KCNC3: variants seen among roughly 807,000 people sequenced by gnomAD.
The protein encoded by KCNC3 is potassium voltage-gated channel subfamily C member 3, also known as voltage-gated potassium channel KCNC3.
A neutral mutation model predicts 43.9 loss-of-function variants in KCNC3; 22 were observed. That is an observed-to-expected ratio of 0.50 (90% confidence interval 0.36 to 0.72). The LOEUF (loss-of-function observed/expected upper bound fraction) is 0.72, where lower values mean the gene tolerates loss of function less well. Ranked by LOEUF, KCNC3 falls within the 30% of genes least tolerant of loss-of-function variation. The probability of loss-of-function intolerance (pLI) is 0.00; values close to 1 mark genes in which losing one functional copy is unlikely to be tolerated. For synonymous variants in KCNC3, 492 were observed against 488.0 expected, an observed-to-expected ratio of 1.01 and a Z score of -0.11; for missense variants, 829 against 1,073.8, an observed-to-expected ratio of 0.77 and a Z score of 3.19.
Position 50,323,573 on chromosome 19 carries a change from G to A in KCNC3, c.1380C>T (p.Leu460=). The A allele has an allele frequency of 3.7e-6, 6 of 1,614,244 alleles. 1 individual carries two copies. In the Middle Eastern group the frequency reaches 4.9e-4, roughly 133 times the overall value. ...LLIIFLALGV[L]IFATMIYYAE... ...CGTAGTAAATCATGGTGGCGAAGAT[G>A]AGCACCCCCAGGGCCAGGAAGATGA... The change falls in exon 2 of 5, where the codon CTC becomes CTT. Residue 460 remains leucine, a synonymous_variant. Transcript: ENST00000477616.
intron 1 of KCNC3, among the ~76,000 whole-genome samples, chr19:50,326,642 C>CACAACA (rs2037109858): frequency 6.6e-6 from 1 of 152,076 alleles, no homozygotes; most frequent in South Asian, 2.1e-4. Context: ...TCCCCCATTT[C>CACAACA]CAATTGCCCC....
At position 50,316,105 on chromosome 19, in the gene KCNC3, TAC is replaced by T. The variant is rs776906184; in HGVS notation, c.*24-16_*24-15del. 13 of 252,198 alleles carry T rather than the reference TAC, an allele frequency of 5.2e-5. No homozygotes were observed. Among genetic ancestry groups the T allele is most frequent in the African/African-American group, 1.0e-4 (4 of 39,140 alleles). The allele number at this position is 252,198 out of a possible 1,614,324, so 15.6% of individuals were successfully genotyped here. On this transcript the variant is annotated splice_polypyrimidine_tract_variant and intron_variant, in intron 4 of 4. Transcript: ENST00000477616. ...CGGTGACAAGAGCTGGGGACAGAAA[TAC>T]ACAGAGTCACGGGGGTGGGGAGAGG...
rs750632431 is a variant in KCNC3 at position 50,313,419 on chromosome 19, G to C, written c.*2696C>G. The C allele has an allele frequency of 2.6e-5, 4 of 152,204 alleles. No homozygotes were observed. The highest frequency in any genetic ancestry group is 6.5e-5 in the Admixed American group (1 of 15,286). The allele number at this position is 152,204 out of a possible 1,614,324, so 9.4% of individuals were successfully genotyped here. A position where few individuals can be genotyped will look rare whatever the true frequency, so the allele number is the denominator to read the frequency against. ...CGGCTTCTGTACAAAATGCGTATTA[G>C]AGACAAAACTTTTAAAACAAGTGTT... On this transcript the variant is annotated 3_prime_UTR_variant, in exon 5 of 5. Transcript: ENST00000477616.
Position 50,322,988 on chromosome 19 carries a change from C to T in KCNC3, c.1965G>A (p.Glu655=). ...PCPLAQEEVI[E]INRADPRPNG... ...GCCCAGGCTCACCTGCCCGGTTGAT[C>T]TCAATCACCTCCTCCTGAGCCAACG... The change falls in exon 2 of 5, where the codon GAG becomes GAA. Residue 655 remains glutamate (E), a synonymous_variant. Coordinates refer to ENST00000477616, the MANE Select transcript of KCNC3 (RefSeq NM_004977.3). 2 of 1,550,622 alleles carry T rather than the reference C, an allele frequency of 1.3e-6. No individual in the cohort carries two copies. The highest frequency in any genetic ancestry group is 1.7e-6 in the Non-Finnish European group (2 of 1,147,458).
chr19:50,319,649 T>C (rs193095009), intron 4 of KCNC3, among the ~76,000 whole-genome samples: 32 of 152,316 alleles, frequency 2.1e-4, no homozygotes, highest in Non-Finnish European at 4.4e-4. Context: ...TTCCTCTCAC[T>C]GTCTGTGCTC....
chr19:50,315,906 T>C lies in KCNC3; in HGVS notation c.*209A>G. On this transcript the variant is annotated 3_prime_UTR_variant, in exon 5 of 5. Coordinates refer to ENST00000477616, the MANE Select transcript of KCNC3 (RefSeq NM_004977.3). ...CACCCCCGCAGGGAGCTCTGTGGCT[T>C]TTCCAGGCAACGCTAAGGGAGCTGT... is the stretch of plus-strand genomic sequence containing the variant. 6.1e-6 allele frequency: 2 copies of C among 328,202 alleles called. No individual in the cohort carries two copies. Among genetic ancestry groups the C allele is most frequent in the Non-Finnish European group, 1.2e-5 (2 of 170,190 alleles). 20.3% of individuals were successfully genotyped at this position (328,202 alleles called of 1,614,324 possible). A position where few individuals can be genotyped will look rare whatever the true frequency, so the allele number is the denominator to read the frequency against.
intron 1 of KCNC3, among the ~76,000 whole-genome samples, chr19:50,325,636 G>T (rs2037093946): frequency 6.6e-6 from 1 of 152,172 alleles, no homozygotes; most frequent in African/African-American, 2.4e-5. Flanking sequence ...GAGGCCAGAG[G>T]CCTTCGCAGA....
chr19:50,328,777 G>A lies in KCNC3; in HGVS notation c.306C>T (p.Tyr102=), dbSNP rs1193876233. The A allele has an allele frequency of 6.3e-7, 1 of 1,578,754 alleles. No homozygotes were observed. Among genetic ancestry groups the A allele is most frequent in the Non-Finnish European group, 8.6e-7 (1 of 1,164,164 alleles). The change falls in exon 1 of 5, where the codon TAC becomes TAT. Residue 102 remains tyrosine (Y), a synonymous_variant. Coordinates refer to ENST00000477616, the MANE Select transcript of KCNC3 (RefSeq NM_004977.3). Reference sequence around the variant, plus strand: ...CCGGCAGGGTGCGCAGCGTCGAGCGGTACGTCTCATGGCGCACGCCGCCCA... The same window carrying A: ...CCGGCAGGGTGCGCAGCGTCGAGCGATACGTCTCATGGCGCACGCCGCCCA... ...INVGGVRHET[Y]RSTLRTLPGT...
At chr19:50,318,760 T>C (rs2036989244) in intron 4 of KCNC3, among the ~76,000 whole-genome samples, 1 of 152,104 alleles carries the variant, frequency 6.6e-6, no homozygotes, top group Non-Finnish European at 1.5e-5. Context: ...CCCAAATTTG[T>C]AGTGCCTGCA....
Position 50,314,912 on chromosome 19 carries a change from G to C in KCNC3, c.*1203C>G, listed in dbSNP as rs879300084. On this transcript the variant is annotated 3_prime_UTR_variant, in exon 5 of 5. Coordinates refer to ENST00000477616, the MANE Select transcript of KCNC3 (RefSeq NM_004977.3). ...GCGGGCGGCCCGGGGAGAGCCAGGG[G>C]GGGTGGCAAGGGGCGCGAGGCGCAG... The C allele has an allele frequency of 6.5e-5, 20 of 310,068 alleles. No homozygotes were observed. The highest frequency in any genetic ancestry group is 1.1e-4 in the Non-Finnish European group (17 of 159,682). The allele number at this position is 310,068 out of a possible 1,614,324, so 19.2% of individuals were successfully genotyped here.
intron 1 of KCNC3, among the ~76,000 whole-genome samples, chr19:50,325,152 T>G (rs2037086578): frequency 4.2e-5 from 6 of 142,266 alleles, no homozygotes; most frequent in African/African-American, 8.0e-5. Flanking sequence ...GAGGAGGGAG[T>G]GGGGTCAGGG....
chr19:50,320,911 G>T, intron 2 of KCNC3, 127 bp from the exon 3 acceptor site: 2 of 869,746 alleles, frequency 2.3e-6, no homozygotes, highest in East Asian at 2.7e-5. Flanking sequence ...ACTGGAAGTG[G>T]AGATTCAAGG....
upstream of KCNC3, among the ~76,000 whole-genome samples, chr19:50,330,910 T>G (rs2037180576): frequency 6.7e-6 from 1 of 149,256 alleles, no homozygotes; most frequent in Non-Finnish European, 1.5e-5. Flanking sequence ...CGGCTGCGGC[T>G]GGGGCTGCGG....
intron 2 of KCNC3, 35 bp from the exon 3 acceptor site, chr19:50,320,819 G>C (rs1601095827): frequency 6.2e-7 from 1 of 1,606,254 alleles, no homozygotes; most frequent in Non-Finnish European, 8.5e-7. Context: ...AGAGACAAAG[G>C]AGAGAGTGAG....
At position 50,314,618 on chromosome 19, in the gene KCNC3, C is replaced by CT. The variant is rs1180796093; in HGVS notation, c.*1496dup. The CT allele has an allele frequency of 6.1e-6, 2 of 330,370 alleles. No homozygotes were observed. Among genetic ancestry groups the CT allele is most frequent in the Non-Finnish European group, 1.2e-5 (2 of 172,562 alleles). 20.5% of individuals were successfully genotyped at this position (330,370 alleles called of 1,614,324 possible). A position where few individuals can be genotyped will look rare whatever the true frequency, so the allele number is the denominator to read the frequency against. ...TATGGCTCGTGGAGACCTGAGAAGG[C>CT]TTTTTTTGGGGAGGGAAGAGTTGGG... On this transcript the variant is annotated 3_prime_UTR_variant, in exon 5 of 5. Transcript: ENST00000477616.
chr19:50,331,391 C>A (rs1225718808), upstream of KCNC3, among the ~76,000 whole-genome samples: 3 of 151,762 alleles, frequency 2.0e-5, no homozygotes, highest in Non-Finnish European at 4.4e-5. Context: ...GTCCTCTACT[C>A]CCTCCCCGCA....
At position 50,329,042 on chromosome 19, in the gene KCNC3, T is replaced by C. The variant is rs2037146942; in HGVS notation, c.41A>G (p.Gln14Arg). ...SVCVSSFRGRQGASKQQPAPP... is the reference protein window; with the variant it reads ...SVCVSSFRGRRGASKQQPAPP... ...CGCCGGCTGCTGCTTGCTGGCCCCCTGGCGCCCGCGGAAGGACGAGACGCA... is the reference window on the plus strand; with the variant it reads ...CGCCGGCTGCTGCTTGCTGGCCCCCCGGCGCCCGCGGAAGGACGAGACGCA... The change falls in exon 1 of 5, where the codon CAG (glutamine) becomes CGG (arginine). Residue 14 changes from glutamine (Q) to arginine (R), a missense_variant. Gln to Arg is a conservative substitution (Grantham distance 43, BLOSUM62 1). This residue lies in a region of KCNC3 where 129 missense variants were observed against 83.6 expected (regional missense o/e 1.54). Coordinates refer to ENST00000477616, the MANE Select transcript of KCNC3 (RefSeq NM_004977.3). 2 of 1,313,992 alleles carry C rather than the reference T, an allele frequency of 1.5e-6. No individual in the cohort carries two copies. The highest frequency in any genetic ancestry group is 1.9e-6 in the Non-Finnish European group (2 of 1,034,566). The allele number at this position is 1,313,992 out of a possible 1,614,324, so 81.4% of individuals were successfully genotyped here.
upstream of KCNC3, among the ~76,000 whole-genome samples, chr19:50,332,074 G>A (rs2123555823): frequency 6.6e-6 from 1 of 152,260 alleles, no homozygotes; most frequent in South Asian, 2.1e-4. This position sits in a 1 kb window ranked among gnomAD's most constrained non-coding sequence, Gnocchi z 5.8. Flanking sequence ...AAAAGACATA[G>A]GTACTTCCTA....
intron 1 of KCNC3, among the ~76,000 whole-genome samples, chr19:50,325,073 G>A (rs192787565): frequency 6.6e-5 from 10 of 152,278 alleles, no homozygotes; most frequent in Middle Eastern, 3.4e-3. Context: ...AGGGTCCTGA[G>A]CCATTTCAAG....
Sources: allele counts gnomAD v4.1 joint callset (sites outside exome capture counted in the v4.1 genomes callset), GRCh38; gene constraint gnomAD v4.1.1; regional missense constraint gnomAD v4.1.1; non-coding constraint Gnocchi (gnomAD v3.1); transcripts MANE v1.5; gene names NCBI Gene and HGNC (gene_info 2026-07-23, HGNC 2026-07-21).